The following GLIS3 variants were observed in gnomAD, a reference collection of about 807,000 sequenced individuals.
GLIS3 encodes GLIS family zinc finger 3, also known as zinc finger protein GLIS3.
GLIS3 carries 53 observed loss-of-function variants against 78.6 expected under a neutral mutation model. The observed-to-expected ratio is 0.67, with a 90% CI of 0.54 to 0.85. The LOEUF is 0.85. Among genes scored for constraint, GLIS3 ranks in the 40% least tolerant of loss-of-function variants. GLIS3 has a pLI of 0.00. For missense variants in GLIS3, 1,703 were observed against 1,231.1 expected (o/e 1.38, Z -5.74); for synonymous variants, 684 against 509.9 (o/e 1.34, Z -4.60).
chr9:3,957,199 A>C (rs769717419), intron 4 of GLIS3, among the ~76,000 whole-genome samples: 1 of 152,200 alleles, frequency 6.6e-6, no homozygotes, highest in Non-Finnish European at 1.5e-5. Context: ...ATAATCATCA[A>C]GCAGTGGGTG....
chr9:4,451,327 A>G, the GLIS3 span, among the ~76,000 whole-genome samples: 1 of 152,242 alleles, frequency 6.6e-6, no homozygotes, highest in African/African-American at 2.4e-5. Context: ...GACCCAATGC[A>G]GGAGCACCCA....
intron 4 of GLIS3, among the ~76,000 whole-genome samples, chr9:3,957,209 G>A (rs536731317): frequency 2.0e-5 from 3 of 152,342 alleles, no homozygotes; most frequent in East Asian, 1.9e-4. Flanking sequence ...AGCAGTGGGT[G>A]TGGAGCCCTT....
chr9:4,358,139 T>A, the GLIS3 span, among the ~76,000 whole-genome samples: 1 of 152,218 alleles, frequency 6.6e-6, no homozygotes, highest in African/African-American at 2.4e-5. Context: ...CATATCCATA[T>A]GTATATATGT....
At chr9:3,920,909 T>C (rs930050360) in intron 6 of GLIS3, among the ~76,000 whole-genome samples, 1 of 152,172 alleles carries the variant, frequency 6.6e-6, no homozygotes, top group Non-Finnish European at 1.5e-5. Flanking sequence ...TCTCTACCTA[T>C]ATTTTTCCTT....
At chr9:4,457,816 C>T in the GLIS3 span, among the ~76,000 whole-genome samples, 1 of 149,492 alleles carries the variant, frequency 6.7e-6, no homozygotes, top group African/African-American at 2.5e-5. Flanking sequence ...TGCCACTTCA[C>T]TCCAGCCTGG....
rs1448015719 is a variant in GLIS3, at chr9:3,828,095, T to C, written c.*177A>G. On this transcript the variant is annotated 3_prime_UTR_variant, in exon 11 of 11. Transcript: ENST00000381971. Reference sequence around the variant, plus strand: ...CAGAGAGAAAAAGGAGCAACTGTAATGATTCCTGCAAAGCTAGCTCTGCCA... The same window carrying C: ...CAGAGAGAAAAAGGAGCAACTGTAACGATTCCTGCAAAGCTAGCTCTGCCA... The C allele has an allele frequency of 2.9e-6, 2 of 689,256 alleles. No individual in the cohort carries two copies. Among genetic ancestry groups the C allele is most frequent in the East Asian group, 5.4e-5 (2 of 36,876 alleles). 42.7% of individuals were successfully genotyped at this position (689,256 alleles called of 1,614,324 possible).
chr9:4,076,995 G>T (rs917613012), intron 4 of GLIS3, among the ~76,000 whole-genome samples: 1 of 152,150 alleles, frequency 6.6e-6, no homozygotes, highest in African/African-American at 2.4e-5. Context: ...GGAGGTGGAG[G>T]TTGCCGTGAG....
chr9:3,944,753 T>C (rs1365591391), intron 4 of GLIS3, among the ~76,000 whole-genome samples: 1 of 152,242 alleles, frequency 6.6e-6, no homozygotes, highest in Non-Finnish European at 1.5e-5. Flanking sequence ...TCTCAGTCCA[T>C]TTTCTGTTGG....
chr9:3,956,028 C>CAAAAAAAAAAA (rs5896037), intron 4 of GLIS3, among the ~76,000 whole-genome samples: 85 of 87,556 alleles, frequency 9.7e-4, no homozygotes, highest in Middle Eastern at 6.1e-3. Flanking sequence ...CCAGATTCAG[C>CAAAAAAAAAAA]AAAAAAAAAA....
chr9:4,444,332 C>T, the GLIS3 span, among the ~76,000 whole-genome samples: 2 of 152,186 alleles, frequency 1.3e-5, no homozygotes, highest in Non-Finnish European at 2.9e-5. Context: ...TTCTGTCCTC[C>T]CCATCAGAGA....
intron 2 of GLIS3, among the ~76,000 whole-genome samples, chr9:4,338,024 CTGTG>C (rs74777663): frequency 1.8e-3 from 247 of 139,054 alleles, no homozygotes; most frequent in African/African-American, 3.1e-3. Context: ...ATTGGCAAGG[CTGTG>C]TGTGTGTGTG....
chr9:4,190,398 G>A (rs1456552174), intron 2 of GLIS3, among the ~76,000 whole-genome samples: 1 of 151,700 alleles, frequency 6.6e-6, no homozygotes, highest in Non-Finnish European at 1.5e-5. Context: ...GAAGCCTCAG[G>A]AGCCGATGCG....
the GLIS3 span, among the ~76,000 whole-genome samples, chr9:4,358,434 T>C: frequency 6.6e-6 from 1 of 152,202 alleles, no homozygotes; most frequent in East Asian, 1.9e-4. Flanking sequence ...TCCAGTGAAA[T>C]TTTCTCATTT....
chr9:3,910,031 G>A (rs543261908), intron 6 of GLIS3, among the ~76,000 whole-genome samples: 1 of 152,294 alleles, frequency 6.6e-6, no homozygotes, highest in East Asian at 1.9e-4. Flanking sequence ...TTTGATGACA[G>A]GGAACATCCT....
chr9:4,077,764 G>T (rs1334815696), intron 4 of GLIS3, among the ~76,000 whole-genome samples: 4 of 152,122 alleles, frequency 2.6e-5, no homozygotes, highest in Non-Finnish European at 5.9e-5. Context: ...CTCCACTAAA[G>T]GTTCTTCATC....
At chr9:3,849,969 G>A (rs535135733) in intron 9 of GLIS3, among the ~76,000 whole-genome samples, 2 of 152,130 alleles carry the variant, frequency 1.3e-5, no homozygotes, top group Admixed American at 6.5e-5. Context: ...GGTTGTTGGT[G>A]CGGTTGCTGT....
At chr9:4,487,247 G>C in the GLIS3 span, among the ~76,000 whole-genome samples, 1 of 152,106 alleles carries the variant, frequency 6.6e-6, no homozygotes, top group African/African-American at 2.4e-5. Flanking sequence ...GGTTCAGAGT[G>C]TGTTAATGAC....
In GLIS3 at chr9:3,977,133, G is replaced by A. The variant is rs1339102685; in HGVS notation, c.1711-39944C>T. 6.6e-6 allele frequency among the ~76,000 whole-genome samples: 1 copy of A among 152,066 alleles called. No individual in the cohort carries two copies. Among genetic ancestry groups the A allele is most frequent in the Non-Finnish European group, 1.5e-5 (1 of 68,030 alleles). ...TAGTTGATGACCAGTTTTCACTTAG[G>A]ATCTGCAGAATTCACACCACTCGAT... is the stretch of plus-strand genomic sequence containing the variant. On this transcript the variant is annotated intron_variant, in intron 4 of 10. Coordinates refer to ENST00000381971, the MANE Select transcript of GLIS3 (RefSeq NM_001042413.2). The surrounding 1 kb of genome is among the most constrained non-coding windows in gnomAD (Gnocchi z 4.1).
upstream of GLIS3, among the ~76,000 whole-genome samples, chr9:4,349,930 G>C (rs559458890): frequency 1.3e-5 from 2 of 152,228 alleles, no homozygotes; most frequent in Non-Finnish European, 2.9e-5. Flanking sequence ...GTCCTGGCAA[G>C]AGTGAGATAA....
Sources: gnomAD v4.1 joint callset for allele counts (sites outside exome capture counted in the v4.1 genomes callset) on GRCh38, gnomAD v4.1.1 for gene constraint, Gnocchi (gnomAD v3.1) non-coding constraint, MANE v1.5 for transcripts, NCBI Gene and HGNC (gene_info 2026-07-23, HGNC 2026-07-21) for gene names.